The following INTS7 variants were observed in gnomAD, a reference collection of about 807,000 sequenced individuals.
The protein encoded by INTS7 is chromosome 1 open reading frame 73.
A neutral mutation model predicts 109.2 loss-of-function variants in INTS7; 46 were observed. The ratio of observed to expected loss-of-function variants is 0.42; its 90% CI spans 0.33 to 0.54. INTS7 has a LOEUF of 0.54. Among genes scored for constraint, INTS7 ranks in the 20% least tolerant of loss-of-function variants. The pLI, the probability that INTS7 is intolerant of heterozygous loss-of-function variation, is 0.07. For missense variants in INTS7, 929 were observed against 1,132.4 expected (o/e 0.82, Z 2.58); for synonymous variants, 412 against 402.9 (o/e 1.02, Z -0.27).
intron 1 of INTS7, among the ~76,000 whole-genome samples, chr1:212,021,801 T>C (rs1363863220): frequency 1.3e-5 from 2 of 152,028 alleles, no homozygotes; most frequent in African/African-American, 2.4e-5. Context: ...TGAGCTGTGA[T>C]TGTGTCACGG....
Position 212,012,860 on chromosome 1 carries a change from TC to T in INTS7, c.510-1440del, listed in dbSNP as rs374710814. On this transcript the variant is annotated intron_variant, in intron 4 of 19. Coordinates refer to ENST00000366994, the MANE Select transcript of INTS7 (RefSeq NM_015434.4). ...AGTGATTCTCATATATAAAATTTAA[TC>T]ACTAAACTACAAATTTATCATCCAA... Among the ~76,000 whole-genome samples, 55 of 152,214 alleles carry T rather than the reference TC, an allele frequency of 3.6e-4. 2 individuals are homozygous for T. The South Asian group carries it at 0.011, about 30-fold the overall frequency.
intron 1 of INTS7, 143 bp from the exon 2 acceptor site, chr1:212,021,355 A>C (rs1398999693): frequency 1.6e-6 from 1 of 626,424 alleles, no homozygotes; most frequent in Non-Finnish European, 2.5e-6. Context: ...TTACCCTTTT[A>C]AAAGTAAAAA....
intron 19 of INTS7, 64 bp downstream of exon 19, chr1:211,944,720 G>C (rs765795135): frequency 2.9e-5 from 39 of 1,348,428 alleles, no homozygotes; most frequent in Non-Finnish European, 3.9e-5. Flanking sequence ...AAAAACACTG[G>C]AAAACTTCCA....
chr1:211,947,701 A>C (rs1360805157), intron 17 of INTS7, among the ~76,000 whole-genome samples: 1 of 152,200 alleles, frequency 6.6e-6, no homozygotes, highest in Admixed American at 6.5e-5. Context: ...TCCTGTAAAC[A>C]GTTGCAACTA....
At chr1:211,994,516 C>A (rs550118959) in intron 7 of INTS7, among the ~76,000 whole-genome samples, 1 of 151,166 alleles carries the variant, frequency 6.6e-6, no homozygotes, top group African/African-American at 2.4e-5. Flanking sequence ...CTCTGCGTCC[C>A]TGGTTCCAGC....
rs559281356 is a variant in INTS7 at position 211,946,407 on chromosome 1, C to T, written c.2415+200G>A. Among the ~76,000 whole-genome samples, 2 of 152,210 alleles carry T rather than the reference C, an allele frequency of 1.3e-5. No homozygotes were observed. Among genetic ancestry groups the T allele is most frequent in the South Asian group, 2.1e-4 (1 of 4,822 alleles). On this transcript the variant is annotated intron_variant, in intron 18 of 19. Coordinates refer to ENST00000366994, the MANE Select transcript of INTS7 (RefSeq NM_015434.4). The surrounding 1 kb of genome is among the most constrained non-coding windows in gnomAD (Gnocchi z 4.3). ...CTGAGGCAGGAGAATCGCTTGAACC[C>T]GGAGGTTGCGGTGAGCCAAAATCAC...
chr1:211,956,741 T>C (rs891500540), intron 16 of INTS7, among the ~76,000 whole-genome samples: 2 of 152,224 alleles, frequency 1.3e-5, no homozygotes, highest in Non-Finnish European at 2.9e-5. Context: ...ATGGTTTCTG[T>C]ATGACCTGCT....
chr1:212,010,422 G>T (rs760198756), intron 5 of INTS7, among the ~76,000 whole-genome samples: 4 of 152,176 alleles, frequency 2.6e-5, no homozygotes, highest in Non-Finnish European at 5.9e-5. Flanking sequence ...GTAGTCTATG[G>T]TAAGGAATCT....
chr1:212,025,889 C>A (rs576735662), intron 1 of INTS7, among the ~76,000 whole-genome samples: 1 of 152,262 alleles, frequency 6.6e-6, no homozygotes, highest in Non-Finnish European at 1.5e-5. Context: ...GGCACAGTGG[C>A]TCATGCCTGT....
intron 1 of INTS7, among the ~76,000 whole-genome samples, chr1:212,022,706 A>G (rs1336146245): frequency 6.6e-6 from 1 of 152,230 alleles, no homozygotes; most frequent in African/African-American, 2.4e-5. Context: ...GTAAAACTGT[A>G]CAGCTCTTTT....
chr1:211,950,474 G>A (rs1218661920), intron 17 of INTS7, among the ~76,000 whole-genome samples: 8 of 152,000 alleles, frequency 5.3e-5, no homozygotes, highest in Admixed American at 6.6e-5. Context: ...GTTTCACCAT[G>A]TTGGGCATGC....
intron 15 of INTS7, 82 bp downstream of exon 15, chr1:211,967,796 T>A: frequency 1.4e-6 from 1 of 713,252 alleles, no homozygotes; most frequent in Non-Finnish European, 2.4e-6. Flanking sequence ...ATGTATTTTG[T>A]AGGTAAGCAT....
chr1:212,001,940 T>C (rs981208362), intron 7 of INTS7, among the ~76,000 whole-genome samples: 1 of 152,216 alleles, frequency 6.6e-6, no homozygotes, highest in Non-Finnish European at 1.5e-5. Flanking sequence ...ATACCATCTA[T>C]AAACTGACAA....
chr1:212,019,260 A>G (rs1558057024), intron 3 of INTS7, among the ~76,000 whole-genome samples: 1 of 152,164 alleles, frequency 6.6e-6, no homozygotes, highest in Non-Finnish European at 1.5e-5. Context: ...CAATAAATAA[A>G]TTAATTAATT....
At chr1:211,982,494 T>C (rs905266211) in intron 9 of INTS7, among the ~76,000 whole-genome samples, 182 bp downstream of exon 9, 2 of 152,154 alleles carry the variant, frequency 1.3e-5, no homozygotes, top group Admixed American at 6.6e-5. Context: ...TTCATCTCTT[T>C]ATTATTTTTC....
chr1:211,948,398 C>T (rs1252884490), intron 17 of INTS7, among the ~76,000 whole-genome samples: 1 of 152,224 alleles, frequency 6.6e-6, no homozygotes, highest in African/African-American at 2.4e-5. Context: ...TTTGCAGAGA[C>T]ATCCACCTTT....
rs571305692 is a variant in INTS7, at chr1:211,956,649, A to G, written c.2184-3948T>C. On this transcript the variant is annotated intron_variant, in intron 16 of 19. Transcript: ENST00000366994. The stretch of plus-strand genomic sequence containing the variant: ...TGCTCAGACTAGTTTTATCAATTTT[A>G]TTAATCTTTTCAAAGAACCAGCTTC... 3.3e-5 allele frequency among the ~76,000 whole-genome samples: 5 copies of G among 152,036 alleles called. No individual in the cohort carries two copies. The South Asian group carries it at 8.3e-4, about 25-fold the overall frequency.
intron 2 of INTS7, 27 bp downstream of exon 2, chr1:212,021,056 G>T: frequency 6.3e-7 from 1 of 1,580,258 alleles, no homozygotes; most frequent in Non-Finnish European, 8.6e-7. Flanking sequence ...AAGTACTTTA[G>T]GACATCGAGA....
chr1:212,026,975 G>A (rs961518634), intron 1 of INTS7, among the ~76,000 whole-genome samples: 1 of 152,204 alleles, frequency 6.6e-6, no homozygotes, highest in Admixed American at 6.5e-5. Context: ...TGAATGAAGC[G>A]AGAGAATGTT....
Sources: gnomAD v4.1 joint callset for allele counts (sites outside exome capture counted in the v4.1 genomes callset) on GRCh38, gnomAD v4.1.1 for gene constraint, Gnocchi (gnomAD v3.1) non-coding constraint, MANE v1.5 for transcripts, NCBI Gene and HGNC (gene_info 2026-07-23, HGNC 2026-07-21) for gene names.